Variants in DNMBP observed in about 807,000 individuals in gnomAD.
The protein encoded by DNMBP is dynamin-binding protein.
A neutral mutation model predicts 150.0 loss-of-function variants in DNMBP; 87 were observed. That is an observed-to-expected ratio of 0.58 (90% CI 0.49 to 0.69). DNMBP has a LOEUF of 0.69. Ranked by LOEUF, DNMBP falls within the 30% of genes least tolerant of loss-of-function variation. DNMBP has a pLI of 0.00. For synonymous variants in DNMBP, 711 were observed against 750.4 expected (o/e 0.95, Z 0.86); for missense variants, 1,774 against 1,949.0 (o/e 0.91, Z 1.69).
chr10:99,929,989 C>T (rs1322898816), intron 4 of DNMBP: 2 of 702,894 alleles, frequency 2.8e-6, no homozygotes, highest in Admixed American at 4.0e-5. Flanking sequence ...TCAAAATCAC[C>T]CTGATCCATA....
rs771478325 is a variant in DNMBP at position 99,956,178 on chromosome 10, T to C, written c.1296A>G (p.Thr432=). Residue 432 remains threonine, a synonymous_variant, in exon 4 of 17, where the codon ACA becomes ACG. Transcript: ENST00000324109. ...CTGAGTGCGGGTGGCTCCCTCCCAC[T>C]GTAGAATAATACTGGCTTTTCTGCA... ...PNLQKSQYYS[T]VGGSHPHSEQ... 6.2e-7 allele frequency: 1 copy of C among 1,614,126 alleles called. No individual in the cohort carries two copies. Among genetic ancestry groups the C allele is most frequent in the Non-Finnish European group, 8.5e-7 (1 of 1,180,018 alleles).
At chr10:99,961,154 C>T (rs971140068) in intron 3 of DNMBP, among the ~76,000 whole-genome samples, 11 of 151,074 alleles carry the variant, frequency 7.3e-5, no homozygotes, top group African/African-American at 2.7e-4. Context: ...GATGATTATT[C>T]TTCAACTCCA....
At chr10:99,907,399 GT>G (rs754368026) in intron 6 of DNMBP, among the ~76,000 whole-genome samples, 15 of 145,306 alleles carry the variant, frequency 1.0e-4, no homozygotes, top group African/African-American at 2.7e-4. Flanking sequence ...ATTTTCTTTT[GT>G]TTTTTTTTTT....
Position 99,887,542 on chromosome 10 carries a change from A to G in DNMBP, c.3286-910T>C, listed in dbSNP as rs540313151. Among the ~76,000 whole-genome samples, 5 of 152,050 alleles carry G rather than the reference A, an allele frequency of 3.3e-5. No homozygotes were observed. In the South Asian group the frequency reaches 1.0e-3, roughly 32 times the overall value. ...ACTCCATCTCAAAACAAAAATTATA[A>G]ATTTTTCTCTTTAATTCTTTCTAAC... On this transcript the variant is annotated intron_variant, in intron 12 of 16. Transcript: ENST00000324109.
chr10:99,898,357 C>A, intron 8 of DNMBP, 72 bp from the exon 9 acceptor site: 1 of 1,364,630 alleles, frequency 7.3e-7, no homozygotes, highest in Non-Finnish European at 1.0e-6. Flanking sequence ...CATCGTGAGA[C>A]CCCACCTTAA....
chr10:100,000,930 A>G (rs1261660886), intron 1 of DNMBP, among the ~76,000 whole-genome samples: 1 of 150,594 alleles, frequency 6.6e-6, no homozygotes, highest in Non-Finnish European at 1.5e-5. Flanking sequence ...TTCAACACCA[A>G]AGGACACTGG....
In DNMBP at chr10:99,972,042, A is replaced by C; in HGVS notation, c.83T>G (p.Ile28Ser). The change falls in exon 2 of 17, where the codon ATT becomes AGT. Residue 28 changes from isoleucine (I) to serine (S), a missense_variant. This residue lies in a region of DNMBP where 344 missense variants were observed against 456.6 expected (regional missense o/e 0.75). Coordinates refer to ENST00000324109, the MANE Select transcript of DNMBP (RefSeq NM_015221.4). ...ATCCACCACTGCCAGCACCTCAATA[A>C]TATCTCCCACAAAGAGCGGCAGTTC... ...SEELPLFVGD[I>S]IEVLAVVDEF... 1 of 1,613,852 alleles carries C rather than the reference A, an allele frequency of 6.2e-7. No individual in the cohort carries two copies. The highest frequency in any genetic ancestry group is 8.5e-7 in the Non-Finnish European group (1 of 1,179,990).
Position 99,931,564 on chromosome 10 carries a change from A to T in DNMBP, c.2261-22418T>A, listed in dbSNP as rs143781370. Among the ~76,000 whole-genome samples, 1,285 of 152,348 alleles carry T rather than the reference A, an allele frequency of 8.4e-3. 13 individuals are homozygous for T. Among genetic ancestry groups the T allele is most frequent in the Middle Eastern group, 0.034 (10 of 294 alleles). ...TTTCACATTTTCCCAGATACTTGTC[A>T]TGCCAGGGAAGCATCAAAAACATTC... is the stretch of plus-strand genomic sequence containing the variant. On this transcript the variant is annotated intron_variant, in intron 4 of 16. Coordinates refer to ENST00000324109, the MANE Select transcript of DNMBP (RefSeq NM_015221.4).
intron 4 of DNMBP, chr10:99,929,598 G>T (rs1008376464): frequency 1.1e-5 from 7 of 654,580 alleles, no homozygotes; most frequent in Non-Finnish European, 1.6e-5. Context: ...AAGGCTGGCT[G>T]AGTTCATACC....
intron 13 of DNMBP, among the ~76,000 whole-genome samples, 195 bp from the exon 14 acceptor site, chr10:99,886,061 C>G (rs2039456668): frequency 6.6e-6 from 1 of 152,194 alleles, no homozygotes; most frequent in East Asian, 1.9e-4. Flanking sequence ...TTCTCCAGGG[C>G]ACTGCCTGCG....
chr10:99,965,394 T>TCTCTTATTAATCCTAATGATA (rs1165344226), intron 3 of DNMBP, among the ~76,000 whole-genome samples: 1 of 152,198 alleles, frequency 6.6e-6, no homozygotes, highest in Non-Finnish European at 1.5e-5. Context: ...ATATATTTTT[T>TCTCTTATTAATCCTAATGATA]CTCTTATTAA....
At chr10:99,922,400 T>C (rs1466292859) in intron 4 of DNMBP, among the ~76,000 whole-genome samples, 1 of 151,810 alleles carries the variant, frequency 6.6e-6, no homozygotes, top group Non-Finnish European at 1.5e-5. Flanking sequence ...TACAGAGGCC[T>C]GGGGTCTCCC....
Position 99,956,966 on chromosome 10 carries a change from C to T in DNMBP, c.508G>A (p.Asp170Asn), listed in dbSNP as rs373091913. Reference sequence around the variant, plus strand: ...GGAACTCCAATAATGGTGATCACATCCCCTTCCCTGAAGTCCAGCTCTTCA... The same window carrying T: ...GGAACTCCAATAATGGTGATCACATTCCCTTCCCTGAAGTCCAGCTCTTCA... ...LDEELDFREGDVITIIGVPEP... is the reference protein window; with the variant it reads ...LDEELDFREGNVITIIGVPEP... Residue 170 changes from aspartate to asparagine, a missense_variant, in exon 4 of 17, where the codon GAT becomes AAT. Transcript: ENST00000324109. The T allele has an allele frequency of 6.2e-7, 1 of 1,614,234 alleles. No homozygotes were observed. Among genetic ancestry groups the T allele is most frequent in the Non-Finnish European group, 8.5e-7 (1 of 1,180,048 alleles).
chr10:100,001,071 G>C (rs1281715220), intron 1 of DNMBP, among the ~76,000 whole-genome samples: 1 of 148,952 alleles, frequency 6.7e-6, no homozygotes. Flanking sequence ...CTCTACTAAA[G>C]AATACAAAAA....
At chr10:99,939,676 G>A (rs1207123268) in intron 4 of DNMBP, among the ~76,000 whole-genome samples, 1 of 152,226 alleles carries the variant, frequency 6.6e-6, no homozygotes, top group East Asian at 1.9e-4. Flanking sequence ...AGGATGAGAG[G>A]AGCCTAATTC....
intron 3 of DNMBP, among the ~76,000 whole-genome samples, chr10:99,962,997 T>A (rs1036223123): frequency 1.8e-4 from 27 of 152,012 alleles, no homozygotes; most frequent in African/African-American, 6.5e-4. Flanking sequence ...TTGAAAAACA[T>A]ACACAATTTA....
Position 99,956,379 on chromosome 10 carries a change from A to G in DNMBP, c.1095T>C (p.Thr365=). ...EAPTSPLGHL[T]SEYDTDRNSY... ...AGTTTCTGTCTGTGTCATACTCTGA[A>G]GTCAGATGACCGAGGGGAGAAGTGG... Residue 365 remains threonine (T), a synonymous_variant, in exon 4 of 17, where the codon ACT becomes ACC. Transcript: ENST00000324109. 1.9e-6 allele frequency: 3 copies of G among 1,613,934 alleles called. No homozygotes were observed. The highest frequency in any genetic ancestry group is 2.5e-6 in the Non-Finnish European group (3 of 1,179,984).
At chr10:99,980,610 T>C (rs549194233) in intron 1 of DNMBP, among the ~76,000 whole-genome samples, 1 of 150,928 alleles carries the variant, frequency 6.6e-6, no homozygotes, top group East Asian at 2.0e-4. Flanking sequence ...AAGGGCAACA[T>C]AGTGAGAACC....
chr10:99,933,860 C>T (rs1381624842), intron 4 of DNMBP, among the ~76,000 whole-genome samples: 6 of 152,322 alleles, frequency 3.9e-5, no homozygotes, highest in Admixed American at 2.0e-4. Flanking sequence ...CCTCAGCCTC[C>T]GCAGCAGCTG....
Sources: allele counts gnomAD v4.1 joint callset (sites outside exome capture counted in the v4.1 genomes callset), GRCh38; gene constraint gnomAD v4.1.1; regional missense constraint gnomAD v4.1.1; transcripts MANE v1.5; gene names NCBI Gene and HGNC (gene_info 2026-07-23, HGNC 2026-07-21).